Variants in MPI observed in about 807,000 individuals in gnomAD.
MPI encodes mannose-6-phosphate isomerase.
In MPI, 33 loss-of-function variants were observed where a neutral mutation model predicts 40.1. The ratio of observed to expected loss-of-function variants is 0.82; its 90% CI spans 0.62 to 1.10. MPI has a LOEUF of 1.10. Among genes scored for constraint, MPI ranks in the 50% least tolerant of loss-of-function variants. The pLI is 0.00. For synonymous variants in MPI, 187 were observed against 207.4 expected, an observed-to-expected ratio of 0.90 and a Z score of 0.85; for missense variants, 514 against 524.1, an observed-to-expected ratio of 0.98 and a Z score of 0.19.
At position 74,896,587 on chromosome 15, in the gene MPI, C is replaced by T. The variant is rs1256099154; in HGVS notation, c.844+262C>T. 45 of 643,136 alleles carry T rather than the reference C, an allele frequency of 7.0e-5. No individual in the cohort carries two copies. In the East Asian group the frequency reaches 1.2e-3, roughly 17 times the overall value. 39.8% of individuals were successfully genotyped at this position (643,136 alleles called of 1,614,324 possible). A position where few individuals can be genotyped will look rare whatever the true frequency, so the allele number is the denominator to read the frequency against. On this transcript the variant is annotated intron_variant, in intron 6 of 7. Coordinates refer to ENST00000352410, the MANE Select transcript of MPI (RefSeq NM_002435.3). The stretch of plus-strand genomic sequence containing the variant: ...GTCCTGCCAGTCAGTGTGGGAACCA[C>T]AATTTGAACGCAGGCTATATTGGAT...
chr15:74,901,011 C>T lies in MPI; in HGVS notation c.*3281C>T, dbSNP rs956216820. On this transcript the variant is annotated 3_prime_UTR_variant, in exon 8 of 8. Transcript: ENST00000352410. The stretch of plus-strand genomic sequence containing the variant: ...AGACTTGCTCATCTTCTAGTCACCC[C>T]TTGTGGTAGAGCGAAAAGAGTGTGT... 2 of 152,246 alleles carry T rather than the reference C, an allele frequency of 1.3e-5. No individual in the cohort carries two copies. Among genetic ancestry groups the T allele is most frequent in the African/African-American group, 4.8e-5 (2 of 41,464 alleles). The allele number at this position is 152,246 out of a possible 1,614,324, so 9.4% of individuals were successfully genotyped here.
chr15:74,900,546 GTCTT>G lies in MPI; in HGVS notation c.*2822_*2825del, dbSNP rs2064912262. On this transcript the variant is annotated 3_prime_UTR_variant, in exon 8 of 8. Coordinates refer to ENST00000352410, the MANE Select transcript of MPI (RefSeq NM_002435.3). ...ACTGGGTCCCTCTACCTGTGTTGCT[GTCTT>G]TCTTTACACTGTGCTACATTTGATC... 2 of 152,392 alleles carry G rather than the reference GTCTT, an allele frequency of 1.3e-5. No homozygotes were observed. Among genetic ancestry groups the G allele is most frequent in the East Asian group, 1.9e-4 (1 of 5,192 alleles). 9.4% of individuals were successfully genotyped at this position (152,392 alleles called of 1,614,324 possible).
rs1001297444 is a variant in MPI, at chr15:74,891,519, C to T, written c.285C>T (p.Pro95=). The T allele has an allele frequency of 9.9e-6, 16 of 1,614,106 alleles. No homozygotes were observed. The highest frequency in any genetic ancestry group is 3.3e-4 in the Middle Eastern group (2 of 6,084). ...KVKDTFNGNL[P]FLFKVLSVET... is the part of the protein sequence containing the mutation. ...AGGACACCTTTAATGGCAACCTGCC[C>T]TTCCTCTTCAAAGTGCTCTCAGTTG... The change falls in exon 3 of 8, where the codon CCC becomes CCT. Residue 95 remains proline, a synonymous_variant. Coordinates refer to ENST00000352410, the MANE Select transcript of MPI (RefSeq NM_002435.3).
chr15:74,890,099 T>C lies in MPI; in HGVS notation c.16+10T>C, dbSNP rs2141194938. The C allele has an allele frequency of 1.9e-6, 3 of 1,608,084 alleles. No homozygotes were observed. Among genetic ancestry groups the C allele is most frequent in the South Asian group, 1.1e-5 (1 of 91,068 alleles). ...ATGGCCGCTCCGCGAGGTGAGCCATTGGCTGGGGTGTCGGCGAGTGTGTTC... is the reference window on the plus strand; with the variant it reads ...ATGGCCGCTCCGCGAGGTGAGCCATCGGCTGGGGTGTCGGCGAGTGTGTTC... On this transcript the variant is annotated intron_variant, in intron 1 of 7. Transcript: ENST00000352410.
At chr15:74,893,593 C>T (rs914908250) in intron 5 of MPI, 14 of 600,950 alleles carry the variant, frequency 2.3e-5, no homozygotes, top group Non-Finnish European at 3.0e-6. Context: ...TCCACCTAGG[C>T]ATTCTGAGAT....
chr15:74,890,345 G>A, intron 1 of MPI, 182 bp from the exon 2 acceptor site: 1 of 888,130 alleles, frequency 1.1e-6, no homozygotes, highest in Non-Finnish European at 1.8e-6. Context: ...GGTCCTTACT[G>A]CTGCCCATCT....
At chr15:74,897,429 C>T (rs112314351) in intron 7 of MPI, 83 bp from the exon 8 acceptor site, 9 of 1,424,420 alleles carry the variant, frequency 6.3e-6, no homozygotes, top group African/African-American at 2.8e-5. Flanking sequence ...AGCTCTCCCT[C>T]GTGCCCTGGG....
chr15:74,901,911 T>C lies in MPI; in HGVS notation c.*4181T>C, dbSNP rs2064975967. ...TATGAACATGTCAGAGCAGTTTTTC[T>C]CTAACTAGGGAAGGGCAAACCAGAA... On this transcript the variant is annotated 3_prime_UTR_variant, in exon 8 of 8. Coordinates refer to ENST00000352410, the MANE Select transcript of MPI (RefSeq NM_002435.3). The C allele has an allele frequency of 2.5e-6, 1 of 394,080 alleles. No individual in the cohort carries two copies. Among genetic ancestry groups the C allele is most frequent in the Non-Finnish European group, 4.5e-6 (1 of 223,708 alleles). The allele number at this position is 394,080 out of a possible 1,614,324, so 24.4% of individuals were successfully genotyped here.
At chr15:74,894,108 G>GTGTGTGTTTT (rs71140108) in intron 5 of MPI, among the ~76,000 whole-genome samples, 1 of 22,586 alleles carries the variant, frequency 4.4e-5, no homozygotes, top group Non-Finnish European at 9.0e-5. Context: ...GTGTGTGTGT[G>GTGTGTGTTTT]GTCTCTTTCT....
rs779158025 is a variant in MPI, at chr15:74,897,724, G to C, written c.1266G>C (p.Leu422=). Residue 422 remains leucine, a synonymous_variant, in exon 8 of 8, where the codon CTG becomes CTC. Coordinates refer to ENST00000352410, the MANE Select transcript of MPI (RefSeq NM_002435.3). ...KDLLIFRACC[L]L is the part of the protein sequence containing the mutation. ...TGCTGATATTCCGTGCCTGCTGTCT[G>C]CTGTAAAGGCTGCAGCCTCCCCAGC... is the stretch of plus-strand genomic sequence containing the variant. 3.6e-5 allele frequency: 58 copies of C among 1,613,532 alleles called. No homozygotes were observed. The highest frequency in any genetic ancestry group is 4.8e-5 in the Non-Finnish European group (57 of 1,179,910).
intron 5 of MPI, chr15:74,895,333 C>T (rs2064802851): frequency 6.6e-6 from 1 of 151,340 alleles, no homozygotes; most frequent in South Asian, 2.1e-4. Flanking sequence ...TGGCTCACAC[C>T]TGTATTCCCA....
Position 74,892,712 on chromosome 15 carries a change from A to G in MPI, c.397A>G (p.Asn133Asp). Residue 133 changes from asparagine to aspartate, a missense_variant, in exon 4 of 8, where the codon AAC (asparagine) becomes GAC (aspartate). Physicochemically the swap from Asn to Asp is conservative, Grantham distance 23 (BLOSUM62 1). Transcript: ENST00000352410. ...LQAPQHYPDA[N>D]HKPEMAIALT... ...GGCTCCGCAGCACTACCCCGATGCC[A>G]ACCACAAGCCAGAGATGGCCATTGC... 6.2e-7 allele frequency: 1 copy of G among 1,614,216 alleles called. No individual in the cohort carries two copies. Among genetic ancestry groups the G allele is most frequent in the Non-Finnish European group, 8.5e-7 (1 of 1,180,044 alleles).
At chr15:74,890,478 G>C in intron 1 of MPI, 49 bp from the exon 2 acceptor site, 3 of 1,613,136 alleles carry the variant, frequency 1.9e-6, no homozygotes, top group Non-Finnish European at 2.5e-6. Flanking sequence ...GGGACACTAG[G>C]GTGGGGCCTG....
chr15:74,890,910 T>G, intron 2 of MPI: 1 of 639,434 alleles, frequency 1.6e-6, no homozygotes, highest in South Asian at 1.6e-5. Context: ...TCTTTGACAA[T>G]TAAGTTTTTT....
chr15:74,897,002 T>C lies in MPI; in HGVS notation c.845-9T>C. 2 of 1,614,008 alleles carry C rather than the reference T, an allele frequency of 1.2e-6. No homozygotes were observed. The highest frequency in any genetic ancestry group is 1.7e-6 in the Non-Finnish European group (2 of 1,179,910). ...TCATCAGCTTAGCACATGACGACTG[T>C]CTCTCCAGACTGCGTGGAGTGCATG... is the stretch of plus-strand genomic sequence containing the variant. On this transcript the variant is annotated splice_polypyrimidine_tract_variant and intron_variant, in intron 6 of 7. Transcript: ENST00000352410.
At position 74,896,875 on chromosome 15, in the gene MPI, A is replaced by G. The variant is rs576753410; in HGVS notation, c.845-136A>G. On this transcript the variant is annotated intron_variant, in intron 6 of 7. Transcript: ENST00000352410. ...TTTTGGTATTTGATATCTTAACCCCATTCTCCCAGAGAATACAATTCATGG... is the reference window on the plus strand; with the variant it reads ...TTTTGGTATTTGATATCTTAACCCCGTTCTCCCAGAGAATACAATTCATGG... 2.3e-5 allele frequency: 19 copies of G among 809,948 alleles called. No homozygotes were observed. The African/African-American group carries it at 3.2e-4, about 14-fold the overall frequency. The allele number at this position is 809,948 out of a possible 1,614,324, so 50.2% of individuals were successfully genotyped here.
chr15:74,891,346 C>T (rs1784089775), intron 2 of MPI, 33 bp from the exon 3 acceptor site: 32 of 1,606,406 alleles, frequency 2.0e-5, no homozygotes, highest in Non-Finnish European at 2.7e-5. Flanking sequence ...AGGTTTCTTC[C>T]CCCTTCCCCT....
chr15:74,890,966 C>T (rs985247244), intron 2 of MPI: 20 of 567,208 alleles, frequency 3.5e-5, no homozygotes, highest in Non-Finnish European at 5.9e-5. Context: ...AAATATTTCT[C>T]CTGCCTATTT....
chr15:74,894,407 T>C (rs987020482), intron 5 of MPI, among the ~76,000 whole-genome samples: 2 of 151,114 alleles, frequency 1.3e-5, no homozygotes, highest in Non-Finnish European at 3.0e-5. Flanking sequence ...TAAAGAAGCC[T>C]GGCTGGGCAC....
Sources: allele counts gnomAD v4.1 joint callset (sites outside exome capture counted in the v4.1 genomes callset), GRCh38; gene constraint gnomAD v4.1.1; transcripts MANE v1.5; gene names NCBI Gene and HGNC (gene_info 2026-07-23, HGNC 2026-07-21).